AASDH: variants seen among roughly 807,000 people sequenced by gnomAD.
AASDH encodes aminoadipate-semialdehyde dehydrogenase.
AASDH carries 81 observed loss-of-function variants against 102.3 expected under a neutral mutation model. That is an observed-to-expected ratio of 0.79 (90% confidence interval 0.66 to 0.95). The LOEUF is 0.95. Ranked by LOEUF, AASDH falls within the 40% of genes least tolerant of loss-of-function variation. The pLI is 0.00. For synonymous variants in AASDH, 398 were observed against 454.0 expected, an observed-to-expected ratio of 0.88 and a Z score of 1.57; for missense variants, 1,203 against 1,266.2, an observed-to-expected ratio of 0.95 and a Z score of 0.76.
intron 5 of AASDH, among the ~76,000 whole-genome samples, chr4:56,361,904 C>T (rs1383904287): frequency 6.6e-6 from 1 of 152,160 alleles, no homozygotes; most frequent in African/African-American, 2.4e-5. Flanking sequence ...CCCCAGAAGT[C>T]AAGGCTGCAG....
intron 5 of AASDH, among the ~76,000 whole-genome samples, chr4:56,368,055 G>A (rs1383558186): frequency 2.8e-4 from 43 of 152,192 alleles, no homozygotes; most frequent in African/African-American, 9.4e-4. Context: ...ACAAGTGGGC[G>A]AAGGATATGA....
At chr4:56,381,649 TCACACACACACACA>T (rs150222194) in intron 3 of AASDH, 1 of 142,304 alleles carries the variant, frequency 7.0e-6, no homozygotes, top group Non-Finnish European at 1.5e-5. Flanking sequence ...TTGACACTTC[TCACACACACACACA>T]CACACACACA....
intron 10 of AASDH, 135 bp from the exon 11 acceptor site, chr4:56,350,193 G>C (rs1240773373): frequency 1.2e-6 from 1 of 841,522 alleles, no homozygotes; most frequent in Non-Finnish European, 1.8e-6. Flanking sequence ...AGTGGCTCAC[G>C]CCTGTAATCC....
At chr4:56,375,961 C>T (rs1175505253) in intron 4 of AASDH, among the ~76,000 whole-genome samples, 1 of 150,754 alleles carries the variant, frequency 6.6e-6, no homozygotes, top group Non-Finnish European at 1.5e-5. Flanking sequence ...ACTACTAATT[C>T]ATTATTTAAA....
At chr4:56,386,537 T>C (rs1032388297) in intron 1 of AASDH, among the ~76,000 whole-genome samples, 6 of 152,066 alleles carry the variant, frequency 3.9e-5, no homozygotes, top group Admixed American at 6.5e-5. Flanking sequence ...CTCACGCCTG[T>C]AATCCCAGCA....
rs3796543 is a variant in AASDH, at chr4:56,355,182, T to C, written c.1103A>G (p.Lys368Arg). The change falls in exon 6 of 15, where the codon AAA becomes AGA. Residue 368 changes from lysine to arginine, a missense_variant and splice_region_variant. Physicochemically the swap from Lys to Arg is conservative, Grantham distance 26. Coordinates refer to ENST00000205214, the MANE Select transcript of AASDH (RefSeq NM_181806.4). ...IPEKTLNSTL[K>R]CELPVQLGFP... ...TATATAGTACAATGAAAACCCTTAC[T>C]TGAGAGTAGAGTTAAGAGTCTTCTC... 47,799 of 1,613,060 alleles carry C rather than the reference T, an allele frequency of 0.03. 1,711 individuals carry two copies. The highest frequency in any genetic ancestry group is 0.21 in the East Asian group (9,636 of 44,834).
chr4:56,373,595 A>G (rs918456666), intron 4 of AASDH, among the ~76,000 whole-genome samples: 4 of 152,208 alleles, frequency 2.6e-5, no homozygotes, highest in Non-Finnish European at 5.9e-5. Context: ...CAAAGTACTC[A>G]GCATGCCAAA....
chr4:56,378,059 G>C, intron 4 of AASDH, 89 bp downstream of exon 4: 8 of 1,294,776 alleles, frequency 6.2e-6, no homozygotes. Flanking sequence ...ACCCGCCTCA[G>C]CCTCCCAAAG....
At chr4:56,338,835 G>A (rs777559260) in intron 14 of AASDH, 44 bp from the exon 15 acceptor site, 1 of 1,549,166 alleles carries the variant, frequency 6.5e-7, no homozygotes, top group Non-Finnish European at 8.8e-7. Flanking sequence ...TCATCTAATT[G>A]CTCCAATTCT....
intron 3 of AASDH, chr4:56,381,647 T>TCACACACACA (rs1491305464): frequency 3.7e-5 from 1 of 27,334 alleles, no homozygotes; most frequent in African/African-American, 1.5e-4. Flanking sequence ...TCTTGACACT[T>TCACACACACA]CTCACACACA....
chr4:56,351,268 T>G (rs1748963296), intron 10 of AASDH, 74 bp downstream of exon 10: 2 of 897,432 alleles, frequency 2.2e-6, no homozygotes, highest in East Asian at 5.4e-5. Flanking sequence ...ATCCAACTTG[T>G]TAGGATAATA....
At chr4:56,382,848 T>G (rs549550796) in intron 2 of AASDH, among the ~76,000 whole-genome samples, 2 of 152,198 alleles carry the variant, frequency 1.3e-5, no homozygotes, top group Non-Finnish European at 2.9e-5. Context: ...GGCGAGCGAA[T>G]CACCTGAGGT....
intron 5 of AASDH, among the ~76,000 whole-genome samples, chr4:56,363,045 G>C (rs934920983): frequency 3.9e-5 from 6 of 152,350 alleles, no homozygotes; most frequent in South Asian, 2.1e-4. Flanking sequence ...CTTTTCCAAT[G>C]GGCTTAACAA....
At chr4:56,350,734 A>G (rs965398398) in intron 10 of AASDH, among the ~76,000 whole-genome samples, 24 of 152,096 alleles carry the variant, frequency 1.6e-4, no homozygotes, top group Non-Finnish European at 4.4e-5. Flanking sequence ...TGCTTCATAT[A>G]AAGCAAAATT....
chr4:56,342,325 A>C (rs1348924500), intron 14 of AASDH, among the ~76,000 whole-genome samples: 1 of 152,168 alleles, frequency 6.6e-6, no homozygotes, highest in Non-Finnish European at 1.5e-5. Flanking sequence ...AGAAATAATA[A>C]GTACTCAAGG....
chr4:56,383,138 T>A (rs1436279358), intron 2 of AASDH, among the ~76,000 whole-genome samples: 1 of 151,070 alleles, frequency 6.6e-6, no homozygotes, highest in Non-Finnish European at 1.5e-5. Flanking sequence ...TAAATTCTTA[T>A]CACTTAATAT....
intron 4 of AASDH, among the ~76,000 whole-genome samples, chr4:56,375,293 G>A (rs1752211837): frequency 6.6e-6 from 1 of 151,930 alleles, no homozygotes; most frequent in Non-Finnish European, 1.5e-5. Context: ...TAATATTTGG[G>A]GAGCCAGCAA....
intron 11 of AASDH, among the ~76,000 whole-genome samples, chr4:56,346,295 C>T (rs1022154851): frequency 6.6e-6 from 1 of 151,944 alleles, no homozygotes; most frequent in African/African-American, 2.4e-5. Context: ...GCTTTTTTTT[C>T]CCCTGGCAGT....
intron 4 of AASDH, 21 bp from the exon 5 acceptor site, chr4:56,371,664 GTTA>G (rs771544298): frequency 1.3e-6 from 2 of 1,581,984 alleles, no homozygotes; most frequent in South Asian, 2.3e-5. Flanking sequence ...ACAGAATGCA[GTTA>G]TGAGAAACGT....
Sources: allele counts gnomAD v4.1 joint callset (sites outside exome capture counted in the v4.1 genomes callset), GRCh38; gene constraint gnomAD v4.1.1; transcripts MANE v1.5; gene names NCBI Gene and HGNC (gene_info 2026-07-23, HGNC 2026-07-21).